Variants in SPATA9 observed in about 807,000 individuals in gnomAD.
The protein encoded by SPATA9 is spermatogenesis-associated protein 9.
Under a neutral mutation model 25.5 loss-of-function variants are expected in SPATA9, and 27 were observed. The ratio of observed to expected loss-of-function variants is 1.06; its 90% confidence interval spans 0.78 to 1.46. The LOEUF (loss-of-function observed/expected upper bound fraction) is 1.46. Ranked by LOEUF, SPATA9 falls within the 40% of genes most tolerant of loss-of-function variation. The pLI, the probability that SPATA9 is intolerant of heterozygous loss-of-function variation, is 0.00. For synonymous variants in SPATA9, 102 were observed against 105.7 expected (o/e 0.97, Z 0.21); for missense variants, 282 against 297.5 (o/e 0.95, Z 0.38).
At chr5:95,693,186 C>A (rs1262741799) in intron 1 of SPATA9, among the ~76,000 whole-genome samples, 1 of 152,186 alleles carries the variant, frequency 6.6e-6, no homozygotes, top group Non-Finnish European at 1.5e-5. Context: ...CAATTAGTAT[C>A]ATCAAGTACA....
At chr5:95,668,142 C>T (rs549836282) in intron 3 of SPATA9, among the ~76,000 whole-genome samples, 23 of 152,258 alleles carry the variant, frequency 1.5e-4, no homozygotes, top group Admixed American at 2.6e-4. Context: ...TGGACTAGTA[C>T]GGGTGTCTAC....
the SPATA9 span, among the ~76,000 whole-genome samples, chr5:95,723,686 G>A: frequency 1.3e-5 from 2 of 152,180 alleles, no homozygotes; most frequent in South Asian, 4.2e-4. Flanking sequence ...AAGTGAGTCT[G>A]CAGCTTATCT....
At chr5:95,691,171 G>C (rs1329826938) in intron 1 of SPATA9, among the ~76,000 whole-genome samples, 2 of 150,708 alleles carry the variant, frequency 1.3e-5, no homozygotes, top group East Asian at 3.9e-4. Flanking sequence ...AGCCGAGATC[G>C]TGCCACTGCA....
intron 3 of SPATA9, among the ~76,000 whole-genome samples, chr5:95,673,231 G>T (rs914386546): frequency 6.6e-6 from 1 of 152,198 alleles, no homozygotes; most frequent in South Asian, 2.1e-4. Flanking sequence ...GCAACGTACT[G>T]TGTGCACAGG....
chr5:95,730,797 T>C, the SPATA9 span: 4 of 434,982 alleles, frequency 9.2e-6, no homozygotes, highest in South Asian at 6.5e-5. Flanking sequence ...CAAAGAACTC[T>C]TTCTGCAGCA....
chr5:95,717,420 G>T, the SPATA9 span: 2 of 151,602 alleles, frequency 1.3e-5, no homozygotes, highest in Admixed American at 1.3e-4. Context: ...TATGTGTGTG[G>T]GTACACACAC....
At chr5:95,730,737 T>G in the SPATA9 span, 1 of 312,860 alleles carries the variant, frequency 3.2e-6, no homozygotes, top group Non-Finnish European at 6.5e-6. Flanking sequence ...TAGCTTGAAA[T>G]AGTAAATAAT....
At chr5:95,690,814 C>A (rs989379363) in intron 1 of SPATA9, among the ~76,000 whole-genome samples, 1 of 152,100 alleles carries the variant, frequency 6.6e-6, no homozygotes, top group Non-Finnish European at 1.5e-5. Context: ...GAAGCCAATA[C>A]TTTTATAGAT....
intron 2 of SPATA9, among the ~76,000 whole-genome samples, chr5:95,681,689 G>A (rs138041531): frequency 0.015 from 2,261 of 152,256 alleles, 27 homozygotes; most frequent in Non-Finnish European, 0.02. Context: ...GTCTGCAGGC[G>A]TGGTTAAAGT....
chr5:95,654,565 C>T (rs1029374768), downstream of SPATA9, among the ~76,000 whole-genome samples: 6 of 151,970 alleles, frequency 3.9e-5, no homozygotes, highest in African/African-American at 4.8e-5. Context: ...CATAATTGCA[C>T]GGATGTTTAA....
downstream of SPATA9, chr5:95,652,502 G>T (rs1298073845): frequency 1.2e-6 from 1 of 826,096 alleles, no homozygotes; most frequent in Admixed American, 3.5e-5. Context: ...TTTCCATTCT[G>T]CAAAAATACC....
chr5:95,669,095 G>A (rs1474240259), intron 3 of SPATA9, among the ~76,000 whole-genome samples: 1 of 152,162 alleles, frequency 6.6e-6, no homozygotes, highest in African/African-American at 2.4e-5. Context: ...TTTGAATACA[G>A]GAAAGACTCC....
downstream of SPATA9, chr5:95,656,668 A>G: frequency 6.2e-6 from 1 of 161,632 alleles, no homozygotes; most frequent in Admixed American, 6.2e-5. Flanking sequence ...AAAATAGGAA[A>G]AAATCCCTGT....
chr5:95,653,239 C>T (rs1187795572), intron 8 of SPATA9: 1 of 1,551,218 alleles, frequency 6.4e-7, no homozygotes, highest in South Asian at 1.2e-5. Context: ...GGTTTTCATT[C>T]ATACCCACCT....
At chr5:95,707,950 T>C in the SPATA9 span, among the ~76,000 whole-genome samples, 25 of 152,338 alleles carry the variant, frequency 1.6e-4, no homozygotes, top group East Asian at 4.0e-3. Context: ...GGGGGTTATA[T>C]TGAGTCTTAA....
the SPATA9 span, among the ~76,000 whole-genome samples, chr5:95,707,435 C>CG: frequency 6.6e-6 from 1 of 151,790 alleles, no homozygotes; most frequent in Non-Finnish European, 1.5e-5. Context: ...AAAATTCTCT[C>CG]GGCCCCGAGG....
chr5:95,708,693 G>T, the SPATA9 span: 1 of 693,394 alleles, frequency 1.4e-6, no homozygotes, highest in South Asian at 1.5e-5. Flanking sequence ...CTGCAAGGTT[G>T]ACACTTTCTG....
chr5:95,662,032 T>C (rs906150696), intron 4 of SPATA9, among the ~76,000 whole-genome samples: 2 of 152,172 alleles, frequency 1.3e-5, no homozygotes, highest in African/African-American at 2.4e-5. Flanking sequence ...TATTAAGATA[T>C]AAAGCTCCTG....
At chr5:95,700,679 G>A (rs970243231), upstream of SPATA9, among the ~76,000 whole-genome samples, 4 of 151,682 alleles carry the variant, frequency 2.6e-5, no homozygotes, top group Admixed American at 6.6e-5. Flanking sequence ...TGCCCACCTC[G>A]GCCTCCCAAA....
Sources: allele counts gnomAD v4.1 joint callset (sites outside exome capture counted in the v4.1 genomes callset), GRCh38; gene constraint gnomAD v4.1.1; transcripts MANE v1.5; gene names NCBI Gene and HGNC (gene_info 2026-07-23, HGNC 2026-07-21).